PPM1L: variants seen among roughly 807,000 people sequenced by gnomAD.
PPM1L encodes protein phosphatase 1L.
A neutral mutation model predicts 31.4 loss-of-function variants in PPM1L; 13 were observed. The observed-to-expected ratio is 0.41, with a 90% CI of 0.27 to 0.66. The LOEUF is 0.66. PPM1L is among the 30% of genes least tolerant of loss of function. The pLI, the probability that PPM1L is intolerant of heterozygous loss-of-function variation, is 0.29. For synonymous variants in PPM1L, 184 were observed against 175.4 expected (o/e 1.05, Z -0.39); for missense variants, 326 against 453.7 (o/e 0.72, Z 2.56).
chr3:160,920,126 G>T (rs1223799307), intron 1 of PPM1L, among the ~76,000 whole-genome samples: 1 of 152,114 alleles, frequency 6.6e-6, no homozygotes, highest in Non-Finnish European at 1.5e-5. Context: ...GGGGTGGGGA[G>T]CTCTCAAAAG....
chr3:161,045,214 G>A (rs1184714586), intron 2 of PPM1L, among the ~76,000 whole-genome samples: 2 of 152,114 alleles, frequency 1.3e-5, no homozygotes, highest in Non-Finnish European at 2.9e-5. Context: ...ACAGATCAAC[G>A]AGACACAAAG....
chr3:161,002,584 G>T (rs1446460503), intron 2 of PPM1L, among the ~76,000 whole-genome samples: 1 of 148,804 alleles, frequency 6.7e-6, no homozygotes, highest in African/African-American at 2.5e-5. Flanking sequence ...TTCTCTGATA[G>T]CCAGTGATGG....
intron 1 of PPM1L, among the ~76,000 whole-genome samples, chr3:160,834,013 C>T (rs1407880047): frequency 6.6e-6 from 1 of 150,514 alleles, no homozygotes; most frequent in East Asian, 1.9e-4. Flanking sequence ...AGCAGTTCTC[C>T]CAGGAATTTT....
At chr3:161,047,034 C>A (rs1395633339) in intron 2 of PPM1L, among the ~76,000 whole-genome samples, 1 of 152,162 alleles carries the variant, frequency 6.6e-6, no homozygotes, top group Non-Finnish European at 1.5e-5. Context: ...TGGCACAAGA[C>A]AGGGACACCC....
rs148124519 is a variant in PPM1L, at chr3:160,815,672, G to A, written c.399+58965G>A. ...TAACTCCTTATTCCATCATAATATA[G>A]TATCTATCATTCTACCATTAGAAAT... On this transcript the variant is annotated intron_variant, in intron 1 of 3. Coordinates refer to ENST00000498165, the MANE Select transcript of PPM1L (RefSeq NM_139245.4). Among the ~76,000 whole-genome samples, 993 of 152,158 alleles carry A rather than the reference G, an allele frequency of 6.5e-3. 9 individuals are homozygous for A. Among genetic ancestry groups the A allele is most frequent in the African/African-American group, 0.023 (956 of 41,500 alleles).
At chr3:160,773,188 T>C (rs1023203210) in intron 1 of PPM1L, among the ~76,000 whole-genome samples, 1 of 152,306 alleles carries the variant, frequency 6.6e-6, no homozygotes, top group Admixed American at 6.5e-5. Context: ...ATTTTAGCCA[T>C]TGTAGTAGGT....
chr3:161,011,779 A>G lies in PPM1L; in HGVS notation c.574+49869A>G, dbSNP rs1043497548. Among the ~76,000 whole-genome samples the G allele has an allele frequency of 5.9e-5, 9 of 152,236 alleles. No homozygotes were observed. In the South Asian group the frequency reaches 8.3e-4, roughly 14 times the overall value. On this transcript the variant is annotated intron_variant, in intron 2 of 3. Transcript: ENST00000498165. ...TAGGTATTTTATTCTCTTTGATGCA[A>G]TTGTGAATGGGAGTTCACTCATGAT...
At chr3:160,842,362 A>G in intron 1 of PPM1L, 1 of 699,232 alleles carries the variant, frequency 1.4e-6, no homozygotes, top group Admixed American at 2.0e-5. Context: ...AAATAAAACT[A>G]GAGAGGTAGG....
intron 1 of PPM1L, among the ~76,000 whole-genome samples, chr3:160,787,813 A>G (rs1029637857): frequency 6.6e-6 from 1 of 152,208 alleles, no homozygotes; most frequent in Admixed American, 6.5e-5. Context: ...AATCTTCTGC[A>G]TAAAGCTAGC....
chr3:161,075,371 T>C lies in PPM1L; in HGVS notation c.*6214T>C, dbSNP rs1720066144. 1 of 152,198 alleles carries C rather than the reference T, an allele frequency of 6.6e-6. No homozygotes were observed. Among genetic ancestry groups the C allele is most frequent in the South Asian group, 2.1e-4 (1 of 4,832 alleles). The allele number at this position is 152,198 out of a possible 1,614,324, so 9.4% of individuals were successfully genotyped here. ...ATTTTTACTATATATAGGTTGTGTT[T>C]AATAGTAATTTCTGACACCTGCACA... On this transcript the variant is annotated 3_prime_UTR_variant, in exon 4 of 4. Coordinates refer to ENST00000498165, the MANE Select transcript of PPM1L (RefSeq NM_139245.4).
At chr3:160,768,854 C>T (rs746354739) in intron 1 of PPM1L, among the ~76,000 whole-genome samples, 4 of 152,182 alleles carry the variant, frequency 2.6e-5, no homozygotes, top group Non-Finnish European at 5.9e-5. Context: ...TCTAACAGCT[C>T]AATAACTTCA....
At chr3:160,916,060 G>A (rs941147470) in intron 1 of PPM1L, among the ~76,000 whole-genome samples, 1 of 152,080 alleles carries the variant, frequency 6.6e-6, no homozygotes, top group Non-Finnish European at 1.5e-5. Context: ...TAGACAAATG[G>A]GATCTAATTA....
intron 2 of PPM1L, among the ~76,000 whole-genome samples, chr3:161,011,989 C>G (rs1447258835): frequency 6.6e-6 from 1 of 152,162 alleles, no homozygotes; most frequent in Non-Finnish European, 1.5e-5. Flanking sequence ...TTCCTCTTTT[C>G]CTAATTGATT....
intron 1 of PPM1L, among the ~76,000 whole-genome samples, chr3:160,841,915 G>T (rs976349503): frequency 1.7e-4 from 26 of 152,072 alleles, no homozygotes; most frequent in African/African-American, 6.3e-4. Context: ...TTGCATGAGT[G>T]CTTTAAAATT....
At chr3:160,802,467 A>G (rs1712459618) in intron 1 of PPM1L, among the ~76,000 whole-genome samples, 2 of 152,186 alleles carry the variant, frequency 1.3e-5, no homozygotes, top group Admixed American at 1.3e-4. Flanking sequence ...TTATTTTGAA[A>G]AGGTAGACAA....
chr3:160,839,020 G>T (rs1275279189), intron 1 of PPM1L, among the ~76,000 whole-genome samples: 1 of 151,884 alleles, frequency 6.6e-6, no homozygotes, highest in Non-Finnish European at 1.5e-5. Flanking sequence ...TATAAGAAGA[G>T]GAAGACAGAC....
intron 2 of PPM1L, among the ~76,000 whole-genome samples, chr3:161,038,346 C>T (rs1435433621): frequency 6.6e-6 from 1 of 151,688 alleles, no homozygotes; most frequent in Non-Finnish European, 1.5e-5. Flanking sequence ...GGGTCTCTCT[C>T]TGTCACCCAG....
At chr3:161,063,472 T>C (rs1719633050) in intron 2 of PPM1L, among the ~76,000 whole-genome samples, 1 of 142,404 alleles carries the variant, frequency 7.0e-6, no homozygotes, top group Non-Finnish European at 1.5e-5. Flanking sequence ...GATTATATTA[T>C]GATAGTTATT....
chr3:160,925,921 G>T (rs1469521878), intron 1 of PPM1L, among the ~76,000 whole-genome samples: 1 of 152,286 alleles, frequency 6.6e-6, no homozygotes, highest in Admixed American at 6.5e-5. Context: ...GGTGATGGTG[G>T]TGGATATTCT....
Sources: allele counts gnomAD v4.1 joint callset (sites outside exome capture counted in the v4.1 genomes callset), GRCh38; gene constraint gnomAD v4.1.1; transcripts MANE v1.5; gene names NCBI Gene and HGNC (gene_info 2026-07-23, HGNC 2026-07-21).